TEX48: variants seen among roughly 807,000 people sequenced by gnomAD.
The protein encoded by TEX48 is testis expressed 48, also known as testis-expressed protein 48.
In TEX48, 10 loss-of-function variants were observed where a neutral mutation model predicts 13.2. The observed-to-expected ratio is 0.75, with a 90% CI of 0.47 to 1.28. The LOEUF (loss-of-function observed/expected upper bound fraction) is 1.28, where lower values mean the gene tolerates loss of function less well. TEX48 is among the 50% of genes most tolerant of loss of function. The probability of loss-of-function intolerance (pLI) is 0.00; values close to 1 mark genes in which losing one functional copy is unlikely to be tolerated. For missense variants in TEX48, 116 were observed against 139.4 expected (o/e 0.83, Z 0.84); for synonymous variants, 45 against 52.3 (o/e 0.86, Z 0.60).
At position 114,666,616 on chromosome 9, in the gene TEX48, C is replaced by A; in HGVS notation, c.*27G>T. The A allele has an allele frequency of 2.2e-6, 3 of 1,340,556 alleles. No individual in the cohort carries two copies. Among genetic ancestry groups the A allele is most frequent in the Non-Finnish European group, 3.1e-6 (3 of 982,060 alleles). 83.0% of individuals were successfully genotyped at this position (1,340,556 alleles called of 1,614,324 possible). ...CCTCTTCCTCATGGAGATGCCCCAG[C>A]AGCTGTGCAGCCGCCGGCTAGAATG... On this transcript the variant is annotated 3_prime_UTR_variant, in exon 5 of 5. Transcript: ENST00000436752.
intron 1 of TEX48, among the ~76,000 whole-genome samples, chr9:114,680,338 G>T (rs1254337901): frequency 1.3e-5 from 2 of 151,962 alleles, no homozygotes; most frequent in African/African-American, 4.8e-5. Flanking sequence ...GTTGGGTCAG[G>T]CTGGTCTCGA....
At chr9:114,670,379 A>G (rs915143929) in intron 3 of TEX48, among the ~76,000 whole-genome samples, 1 of 152,162 alleles carries the variant, frequency 6.6e-6, no homozygotes, top group African/African-American at 2.4e-5. Context: ...GTCAAAATAC[A>G]TCATTGTATT....
chr9:114,668,825 G>T (rs1827889599), intron 3 of TEX48, among the ~76,000 whole-genome samples: 1 of 152,006 alleles, frequency 6.6e-6, no homozygotes. Flanking sequence ...TATTATGGAT[G>T]AATTTTACTT....
intron 1 of TEX48, among the ~76,000 whole-genome samples, chr9:114,677,911 G>A (rs185792000): frequency 1.3e-5 from 2 of 151,892 alleles, no homozygotes; most frequent in African/African-American, 2.4e-5. Flanking sequence ...CCTGCTTGTC[G>A]TGGTCTCATC....
Position 114,674,274 on chromosome 9 carries a change from AATTCCCCAATTCC to A in TEX48, c.-104-2460_-104-2448del, listed in dbSNP as rs756428862. On this transcript the variant is annotated intron_variant, in intron 1 of 4. Transcript: ENST00000436752. Reference sequence around the variant, plus strand: ...CACCAACTCTGTCTTCAATTCCTCCAATTCCCCAATTCCATTTGCCCCCCCTGCTGAGTTTTAA... The same window carrying A: ...CACCAACTCTGTCTTCAATTCCTCCAATTTGCCCCCCCTGCTGAGTTTTAA... 2.3e-4 allele frequency among the ~76,000 whole-genome samples: 30 copies of A among 130,364 alleles called. No individual in the cohort carries two copies. In the South Asian group the frequency reaches 6.2e-3, roughly 27 times the overall value. 85.5% of individuals were successfully genotyped at this position (130,364 alleles called of 152,430 possible). A position where few individuals can be genotyped will look rare whatever the true frequency, so the allele number is the denominator to read the frequency against.
chr9:114,678,065 T>C (rs1828110161), intron 1 of TEX48, among the ~76,000 whole-genome samples: 1 of 152,112 alleles, frequency 6.6e-6, no homozygotes. Flanking sequence ...AGTTTTGATG[T>C]CAAAAATCAG....
intron 1 of TEX48, among the ~76,000 whole-genome samples, chr9:114,678,394 G>C (rs924539982): frequency 2.6e-5 from 4 of 152,156 alleles, no homozygotes; most frequent in Non-Finnish European, 5.9e-5. Context: ...ATCAAGAGAG[G>C]CCGAATTTAA....
At chr9:114,678,597 C>T (rs1439906073) in intron 1 of TEX48, among the ~76,000 whole-genome samples, 3 of 152,146 alleles carry the variant, frequency 2.0e-5, no homozygotes, top group East Asian at 3.8e-4. Flanking sequence ...CACCTGTAAT[C>T]CCAGCACTTT....
At chr9:114,681,406 A>T (rs1205390927) in intron 1 of TEX48, among the ~76,000 whole-genome samples, 1 of 152,216 alleles carries the variant, frequency 6.6e-6, no homozygotes, top group African/African-American at 2.4e-5. Flanking sequence ...TTACAAGCAC[A>T]TTCTCTGGGG....
intron 1 of TEX48, among the ~76,000 whole-genome samples, chr9:114,674,604 TCCTTCCTTCCTTCC>T (rs1828019662): frequency 1.6e-4 from 3 of 18,716 alleles, no homozygotes; most frequent in African/African-American, 4.3e-4. Context: ...TCTTTTTCTT[TCCTTCCTTCCTTCC>T]TTCCTTCCTT....
chr9:114,676,332 GTT>G (rs1000653451), intron 1 of TEX48, among the ~76,000 whole-genome samples: 1 of 151,408 alleles, frequency 6.6e-6, no homozygotes, highest in African/African-American at 2.4e-5. Context: ...CCCGGTTATA[GTT>G]TTTTTGTTTT....
chr9:114,677,830 G>C (rs1449842202), intron 1 of TEX48, among the ~76,000 whole-genome samples: 2 of 151,736 alleles, frequency 1.3e-5, no homozygotes, highest in African/African-American at 4.9e-5. Flanking sequence ...GCCTCTTTTA[G>C]GCTCTGCTTG....
chr9:114,678,697 G>A (rs898100919), intron 1 of TEX48, among the ~76,000 whole-genome samples: 1 of 150,978 alleles, frequency 6.6e-6, no homozygotes, highest in African/African-American at 2.4e-5. Flanking sequence ...TTAAAATTTA[G>A]CTGGGCATGG....
At chr9:114,675,419 C>T (rs913774626) in intron 1 of TEX48, among the ~76,000 whole-genome samples, 10 of 152,184 alleles carry the variant, frequency 6.6e-5, no homozygotes, top group South Asian at 2.1e-4. Context: ...TTCCCTATTT[C>T]GTGGGATGAT....
At chr9:114,681,632 A>G (rs1828202856) in intron 1 of TEX48, among the ~76,000 whole-genome samples, 1 of 152,156 alleles carries the variant, frequency 6.6e-6, no homozygotes, top group Admixed American at 6.5e-5. Flanking sequence ...ATGCTGATGA[A>G]TATGTAGGGA....
In TEX48 at chr9:114,671,524, T is replaced by C; in HGVS notation, c.5-19A>G. 2.0e-6 allele frequency: 3 copies of C among 1,479,278 alleles called. No individual in the cohort carries two copies. Among genetic ancestry groups the C allele is most frequent in the Non-Finnish European group, 2.7e-6 (3 of 1,125,608 alleles). The allele number at this position is 1,479,278 out of a possible 1,614,324, so 91.6% of individuals were successfully genotyped here. A position where few individuals can be genotyped will look rare whatever the true frequency, so the allele number is the denominator to read the frequency against. Reference sequence around the variant, plus strand: ...TGGGCTGCTGTTGGAGGCAAAGGAATGAGGGGCATGGGTTCCGGAATCTGA... The same window carrying C: ...TGGGCTGCTGTTGGAGGCAAAGGAACGAGGGGCATGGGTTCCGGAATCTGA... On this transcript the variant is annotated intron_variant, in intron 2 of 4. Transcript: ENST00000436752.
intron 1 of TEX48, among the ~76,000 whole-genome samples, chr9:114,676,400 A>G (rs913312171): frequency 8.6e-5 from 13 of 151,920 alleles, no homozygotes; most frequent in African/African-American, 2.7e-4. Context: ...CGAATTCCTT[A>G]GCTCAAGAGA....
intron 4 of TEX48, 30 bp from the exon 5 acceptor site, chr9:114,666,776 G>A (rs1430722825): frequency 8.6e-7 from 1 of 1,166,856 alleles, no homozygotes; most frequent in Admixed American, 2.1e-5. Context: ...AATTATGCTG[G>A]GTGAAGGCCT....
intron 1 of TEX48, among the ~76,000 whole-genome samples, chr9:114,675,706 C>A (rs901951121): frequency 6.6e-6 from 1 of 152,232 alleles, no homozygotes; most frequent in Admixed American, 6.5e-5. Flanking sequence ...ACCCTCTGCC[C>A]CACCAAGGGG....
Sources: gnomAD v4.1 joint callset for allele counts (sites outside exome capture counted in the v4.1 genomes callset) on GRCh38, gnomAD v4.1.1 for gene constraint, MANE v1.5 for transcripts, NCBI Gene and HGNC (gene_info 2026-07-23, HGNC 2026-07-21) for gene names.